The following RPS6KA3 variants were observed in gnomAD, a reference collection of about 807,000 sequenced individuals.
RPS6KA3 encodes ribosomal protein S6 kinase alpha-3.
In RPS6KA3, 4 loss-of-function variants were observed where a neutral mutation model predicts 67.2. That is an observed-to-expected ratio of 0.06 (90% CI 0.03 to 0.14). RPS6KA3 has a LOEUF of 0.14. Ranked by LOEUF, RPS6KA3 falls within the 10% of genes least tolerant of loss-of-function variation. RPS6KA3 has a pLI of 1.00. For missense variants in RPS6KA3, 204 were observed against 559.0 expected (o/e 0.36, Z 6.40); for synonymous variants, 182 against 183.7 (o/e 0.99, Z 0.07).
intron 2 of RPS6KA3, among the ~76,000 whole-genome samples, chrX:20,230,777 A>C (rs1284808056): frequency 9.0e-6 from 1 of 111,482 alleles, no homozygotes; most frequent in Non-Finnish European, 1.9e-5. Flanking sequence ...ATTTCTGAAA[A>C]GTTAACACTC....
intron 1 of RPS6KA3, among the ~76,000 whole-genome samples, chrX:20,238,741 G>A (rs1603430687): frequency 9.0e-6 from 1 of 111,162 alleles, no homozygotes; most frequent in Non-Finnish European, 1.9e-5. Flanking sequence ...TTAAAGCAGC[G>A]AGCCAACATT....
chrX:20,160,151 G>A (rs918513240), intron 20 of RPS6KA3, among the ~76,000 whole-genome samples: 3 of 112,196 alleles, frequency 2.7e-5, no homozygotes, highest in Non-Finnish European at 3.8e-5. Context: ...ACTAAGCATC[G>A]TCTGTGTACT....
chrX:20,250,334 G>C (rs1258123205), intron 1 of RPS6KA3, among the ~76,000 whole-genome samples: 1 of 111,182 alleles, frequency 9.0e-6, no homozygotes, highest in South Asian at 3.8e-4. Flanking sequence ...GACTATAAGT[G>C]CATGCCACTA....
intron 4 of RPS6KA3, among the ~76,000 whole-genome samples, chrX:20,201,900 TTAAGTTG>T: frequency 1.8e-5 from 2 of 110,878 alleles, no homozygotes; most frequent in East Asian, 5.6e-4. Context: ...CCTAGATGTG[TTAAGTTG>T]TAAAATTCAG....
At chrX:20,185,982 C>G (rs2067970266) in intron 10 of RPS6KA3, among the ~76,000 whole-genome samples, 2 of 112,057 alleles carry the variant, frequency 1.8e-5, no homozygotes, top group Admixed American at 9.5e-5. Context: ...CTCTGTTGCC[C>G]AGGATGGAGT....
chrX:20,156,355 T>C, intron 20 of RPS6KA3, 106 bp from the exon 21 acceptor site: 1 of 846,317 alleles, frequency 1.2e-6, no homozygotes, highest in Non-Finnish European at 1.7e-6. Context: ...ATACTGCTTT[T>C]TCTGGTAGCA....
chrX:20,203,785 T>C, intron 4 of RPS6KA3: 4 of 356,545 alleles, frequency 1.1e-5, no homozygotes, highest in South Asian at 1.3e-4. Context: ...TGTTTACTTG[T>C]ATAAAACTCA....
chrX:20,153,093 ACTC>A lies in RPS6KA3; in HGVS notation c.*2302_*2304del, dbSNP rs2067130002. On this transcript the variant is annotated 3_prime_UTR_variant, in exon 22 of 22. Transcript: ENST00000379565. The stretch of plus-strand genomic sequence containing the variant: ...GTTCTAAAATACTATGATGGACAAT[ACTC>A]CTAAGCAATTACGGAGTAGCATCAG... 1 of 111,914 alleles carries A rather than the reference ACTC, an allele frequency of 8.9e-6. No homozygotes were observed. Among genetic ancestry groups the A allele is most frequent in the African/African-American group, 3.3e-5 (1 of 30,764 alleles). The allele number at this position is 111,914 out of a possible 1,213,427, so 9.2% of individuals were successfully genotyped here.
At chrX:20,167,222 T>C (rs918197184) in intron 17 of RPS6KA3, among the ~76,000 whole-genome samples, 1 of 112,040 alleles carries the variant, frequency 8.9e-6, no homozygotes, top group Non-Finnish European at 1.9e-5. Context: ...CTTGGCCTCA[T>C]TGTTTTAAGG....
At chrX:20,253,662 AT>A (rs2069950158) in intron 1 of RPS6KA3, among the ~76,000 whole-genome samples, 1 of 111,657 alleles carries the variant, frequency 9.0e-6, no homozygotes, top group South Asian at 3.7e-4. Flanking sequence ...AATAACATTT[AT>A]TTTCTAATTT....
rs376307084 is a variant in RPS6KA3 at position 20,253,488 on chromosome X, G to A, written c.69+13076C>T. 6.3e-5 allele frequency among the ~76,000 whole-genome samples: 7 copies of A among 110,485 alleles called. No individual in the cohort carries two copies. The East Asian group carries it at 1.7e-3, about 27-fold the overall frequency. ...AATTCCCTGGGTTTTCTTGAGTCTC[G>A]AGGTCTGCAGGCTGTTTGCCTTCTT... On this transcript the variant is annotated intron_variant, in intron 1 of 21. Transcript: ENST00000379565.
At chrX:20,172,618 C>G in intron 15 of RPS6KA3, 128 bp downstream of exon 15, 3 of 526,810 alleles carry the variant, frequency 5.7e-6, no homozygotes, top group Non-Finnish European at 9.6e-6. Context: ...CTGAAGATCA[C>G]TAGCCAGATA....
rs59662504 is a variant in RPS6KA3 at position 20,178,481 on chromosome X, G to GT, written c.846-1398dup. On this transcript the variant is annotated intron_variant, in intron 10 of 21. Transcript: ENST00000379565. ...TGAGAAATCTAGAGCAAACAAATCA[G>GT]TTTTTTTTTTTTTTTTTTTTAAGAC... Among the ~76,000 whole-genome samples the GT allele has an allele frequency of 7.0e-3, 591 of 84,355 alleles. 2 individuals are homozygous for GT. Among genetic ancestry groups the GT allele is most frequent in the Non-Finnish European group, 8.6e-3 (372 of 43,294 alleles). The allele number at this position is 84,355 out of a possible 115,157, so 73.3% of individuals were successfully genotyped here.
At chrX:20,156,320 T>C (rs2067187523) in intron 20 of RPS6KA3, 71 bp from the exon 21 acceptor site, 2 of 1,031,683 alleles carry the variant, frequency 1.9e-6, no homozygotes, top group Non-Finnish European at 2.7e-6. Context: ...TTGATACTAA[T>C]GAACATTCTT....
intron 10 of RPS6KA3, among the ~76,000 whole-genome samples, chrX:20,182,578 A>G (rs1237867419): frequency 8.9e-6 from 1 of 112,464 alleles, no homozygotes; most frequent in Non-Finnish European, 1.9e-5. Flanking sequence ...CGAATATACC[A>G]TCATTTATTA....
intron 2 of RPS6KA3, among the ~76,000 whole-genome samples, chrX:20,221,391 T>G (rs1569246940): frequency 8.9e-6 from 1 of 111,811 alleles, no homozygotes; most frequent in Non-Finnish European, 1.9e-5. Context: ...ACTACTATTA[T>G]AAAAATAATG....
At chrX:20,173,327 G>A (rs1447513162) in intron 14 of RPS6KA3, among the ~76,000 whole-genome samples, 1 of 111,982 alleles carries the variant, frequency 8.9e-6, no homozygotes, top group Non-Finnish European at 1.9e-5. Flanking sequence ...GTAACTTTGA[G>A]CCTGTATTTT....
intron 10 of RPS6KA3, among the ~76,000 whole-genome samples, chrX:20,180,303 T>C (rs1288162796): frequency 1.8e-5 from 2 of 110,627 alleles, no homozygotes; most frequent in African/African-American, 3.3e-5. Context: ...CCTGATGTAA[T>C]AGGGACCACA....
chrX:20,191,993 T>C (rs768371744), intron 7 of RPS6KA3, among the ~76,000 whole-genome samples: 47 of 110,946 alleles, frequency 4.2e-4, no homozygotes, highest in African/African-American at 1.5e-3. Context: ...CTCAAACTCC[T>C]GACCTCAAGT....
Sources: allele counts gnomAD v4.1 joint callset (sites outside exome capture counted in the v4.1 genomes callset), GRCh38; gene constraint gnomAD v4.1.1; transcripts MANE v1.5; gene names NCBI Gene and HGNC (gene_info 2026-07-23, HGNC 2026-07-21).